Variants in FARS2 observed in about 807,000 individuals in gnomAD.
The protein encoded by FARS2 is phenylalanine--tRNA ligase, mitochondrial.
Under a neutral mutation model 46.4 loss-of-function variants are expected in FARS2, and 40 were observed. That is an observed-to-expected ratio of 0.86 (90% CI 0.67 to 1.12). The LOEUF (loss-of-function observed/expected upper bound fraction) is 1.12, where lower values mean the gene tolerates loss of function less well. Ranked by LOEUF, FARS2 falls within the 50% of genes most tolerant of loss-of-function variation. The pLI, the probability that FARS2 is intolerant of heterozygous loss-of-function variation, is 0.00. For missense variants in FARS2, 513 were observed against 567.9 expected (o/e 0.90, Z 0.98); for synonymous variants, 234 against 214.9 (o/e 1.09, Z -0.78).
At chr6:5,610,005 C>A in intron 5 of FARS2, 1 of 1,040,546 alleles carries the variant, frequency 9.6e-7, no homozygotes. Flanking sequence ...CCACCTCCTC[C>A]GCAGTGGCAT....
At chr6:5,624,900 C>T (rs1208043978) in intron 6 of FARS2, among the ~76,000 whole-genome samples, 2 of 151,700 alleles carry the variant, frequency 1.3e-5, no homozygotes, top group African/African-American at 2.4e-5. Context: ...TTGTGCCCTC[C>T]GTTCACAAGA....
intron 3 of FARS2, among the ~76,000 whole-genome samples, chr6:5,409,729 C>G (rs1761824884): frequency 1.3e-5 from 2 of 152,166 alleles, no homozygotes; most frequent in African/African-American, 4.8e-5. Flanking sequence ...GGAAGAAAGC[C>G]TTTTCTTTTT....
intron 6 of FARS2, among the ~76,000 whole-genome samples, chr6:5,755,623 A>G (rs1332855476): frequency 2.6e-5 from 4 of 152,128 alleles, no homozygotes; most frequent in African/African-American, 9.6e-5. Flanking sequence ...TTGTTCTTGT[A>G]TCTGAAATCC....
intron 3 of FARS2, among the ~76,000 whole-genome samples, chr6:5,408,337 T>TG (rs1001881356): frequency 4.0e-5 from 6 of 150,962 alleles, no homozygotes; most frequent in African/African-American, 7.3e-5. Flanking sequence ...ATAAGCAAGG[T>TG]GGGGGGGCAG....
intron 4 of FARS2, among the ~76,000 whole-genome samples, chr6:5,473,451 C>T (rs529905749): frequency 3.3e-5 from 5 of 150,412 alleles, no homozygotes; most frequent in African/African-American, 9.8e-5. Context: ...GGTGTGAACC[C>T]GGGAGATGGA....
intron 1 of FARS2, among the ~76,000 whole-genome samples, chr6:5,322,371 G>A (rs901519240): frequency 2.0e-5 from 3 of 152,156 alleles, no homozygotes; most frequent in Non-Finnish European, 2.9e-5. Context: ...GTTTGCCAAC[G>A]TATAGAAAAG....
intron 3 of FARS2, among the ~76,000 whole-genome samples, chr6:5,424,064 C>T (rs967277035): frequency 6.6e-6 from 1 of 152,088 alleles, no homozygotes; most frequent in African/African-American, 2.4e-5. Context: ...AGGAAGGCAG[C>T]CCTGGGAATC....
chr6:5,749,784 T>C (rs1292876082), intron 6 of FARS2, among the ~76,000 whole-genome samples: 1 of 152,138 alleles, frequency 6.6e-6, no homozygotes, highest in Non-Finnish European at 1.5e-5. Flanking sequence ...CTTCCTCCCC[T>C]GGGGAAGAAG....
intron 1 of FARS2, among the ~76,000 whole-genome samples, chr6:5,296,362 C>A (rs912527523): frequency 6.6e-6 from 1 of 151,958 alleles, no homozygotes; most frequent in Non-Finnish European, 1.5e-5. Context: ...AGGATGGTCT[C>A]GATCTCCTGA....
intron 6 of FARS2, among the ~76,000 whole-genome samples, chr6:5,675,199 GACACACACACAC>G (rs3057239): frequency 0.2 from 29,588 of 144,986 alleles, 3,628 homozygotes; most frequent in Middle Eastern, 0.32. Flanking sequence ...TTTGCAGATA[GACACACACACAC>G]ACACACACAC....
intron 1 of FARS2, among the ~76,000 whole-genome samples, chr6:5,337,513 T>C (rs546339635): frequency 6.6e-6 from 1 of 152,330 alleles, no homozygotes; most frequent in African/African-American, 2.4e-5. Context: ...TGGTTTCTTA[T>C]AAAGTCTTGT....
chr6:5,395,620 C>T (rs911878528), intron 2 of FARS2, among the ~76,000 whole-genome samples: 2 of 152,160 alleles, frequency 1.3e-5, no homozygotes, highest in African/African-American at 4.8e-5. Context: ...GTTCTCCTCT[C>T]CTTATTCTCC....
intron 6 of FARS2, among the ~76,000 whole-genome samples, chr6:5,633,777 AT>A (rs1261836310): frequency 2.6e-5 from 4 of 152,130 alleles, no homozygotes; most frequent in African/African-American, 7.2e-5. Flanking sequence ...ATATTTTCCT[AT>A]ATTTGTTAAT....
intron 6 of FARS2, among the ~76,000 whole-genome samples, chr6:5,619,113 A>G (rs1775630354): frequency 6.6e-6 from 1 of 152,212 alleles, no homozygotes; most frequent in South Asian, 2.1e-4. Context: ...GAACTTAGCC[A>G]TTGCCTTTAG....
intron 2 of FARS2, among the ~76,000 whole-genome samples, chr6:5,402,139 A>G (rs912742277): frequency 2.0e-5 from 3 of 150,732 alleles, no homozygotes; most frequent in East Asian, 3.9e-4. Flanking sequence ...CTTTTCTTCA[A>G]TGCCCCCTCA....
chr6:5,471,111 GT>G lies in FARS2; in HGVS notation c.904+39942del. 6.6e-6 allele frequency among the ~76,000 whole-genome samples: 1 copy of G among 152,148 alleles called. No individual in the cohort carries two copies. The highest frequency in any genetic ancestry group is 1.9e-4 in the East Asian group (1 of 5,192). On this transcript the variant is annotated intron_variant, in intron 4 of 6. Coordinates refer to ENST00000274680, the MANE Select transcript of FARS2 (RefSeq NM_006567.5). This position sits in a 1 kb window ranked among gnomAD's most constrained non-coding sequence, Gnocchi z 4.1. ...AACAATAAGTGAACCCCACTGAGGG[GT>G]TTCAGCCACTGAGAGACTGACCCAG...
chr6:5,738,795 A>G (rs1761111340), intron 6 of FARS2, among the ~76,000 whole-genome samples: 1 of 152,226 alleles, frequency 6.6e-6, no homozygotes, highest in African/African-American at 2.4e-5. Flanking sequence ...TGCAGTTTCA[A>G]GACTCCTGAA....
intron 5 of FARS2, among the ~76,000 whole-genome samples, chr6:5,595,770 G>A (rs893422907): frequency 6.6e-6 from 1 of 152,090 alleles, no homozygotes; most frequent in East Asian, 1.9e-4. Context: ...GCTTACCGAC[G>A]CTGACACCTT....
At chr6:5,531,459 C>T (rs1230336928) in intron 4 of FARS2, among the ~76,000 whole-genome samples, 1 of 152,128 alleles carries the variant, frequency 6.6e-6, no homozygotes, top group Non-Finnish European at 1.5e-5. Context: ...GGGGATGGTC[C>T]AAAGTGAGTT....
Sources: gnomAD v4.1 joint callset for allele counts (sites outside exome capture counted in the v4.1 genomes callset) on GRCh38, gnomAD v4.1.1 for gene constraint, Gnocchi (gnomAD v3.1) non-coding constraint, MANE v1.5 for transcripts, NCBI Gene and HGNC (gene_info 2026-07-23, HGNC 2026-07-21) for gene names.